SHANK2: variants seen among roughly 807,000 people sequenced by gnomAD.
The protein encoded by SHANK2 is SH3 and multiple ankyrin repeat domains 2.
SHANK2 carries 43 observed loss-of-function variants against 133.7 expected under a neutral mutation model. That is an observed-to-expected ratio of 0.32 (90% confidence interval 0.25 to 0.41). SHANK2 has a LOEUF of 0.41. Among genes scored for constraint, SHANK2 ranks in the 10% least tolerant of loss-of-function variants. The pLI is 1.00. For synonymous variants in SHANK2, 1,017 were observed against 952.8 expected (o/e 1.07, Z -1.24); for missense variants, 1,994 against 2,235.8 (o/e 0.89, Z 2.18).
chr11:70,544,464 T>C (rs1317486994), intron 17 of SHANK2, among the ~76,000 whole-genome samples: 2 of 152,218 alleles, frequency 1.3e-5, no homozygotes, highest in South Asian at 2.1e-4. Flanking sequence ...CCGGAGCAGC[T>C]GCCCGTGGGA....
intron 11 of SHANK2, among the ~76,000 whole-genome samples, chr11:70,892,769 G>C (rs782651371): frequency 2.6e-5 from 4 of 152,112 alleles, no homozygotes; most frequent in African/African-American, 4.8e-5. Context: ...TCCCTGATGG[G>C]GGTCTTGGTA....
chr11:70,799,496 T>C (rs1555050033), intron 13 of SHANK2, among the ~76,000 whole-genome samples: 1 of 152,166 alleles, frequency 6.6e-6, no homozygotes, highest in Non-Finnish European at 1.5e-5. Flanking sequence ...TTATCTTCAC[T>C]TAAAATGGAA....
At chr11:71,145,434 G>C (rs1952625603) in intron 3 of SHANK2, among the ~76,000 whole-genome samples, 1 of 152,248 alleles carries the variant, frequency 6.6e-6, no homozygotes, top group Non-Finnish European at 1.5e-5. Context: ...GTTTGTCCTA[G>C]ACGGTGAAGC....
At chr11:71,172,286 C>A (rs1292497300) in intron 2 of SHANK2, among the ~76,000 whole-genome samples, 5 of 152,154 alleles carry the variant, frequency 3.3e-5, no homozygotes, top group Non-Finnish European at 5.9e-5. Context: ...CCACGGTGGG[C>A]CACATGCTTT....
intron 17 of SHANK2, among the ~76,000 whole-genome samples, chr11:70,620,091 T>C (rs910623963): frequency 6.6e-6 from 1 of 151,950 alleles, no homozygotes; most frequent in East Asian, 1.9e-4. Flanking sequence ...CCATCATGAG[T>C]CCCCACCCTC....
At chr11:70,651,244 T>C (rs2134212179) in intron 17 of SHANK2, among the ~76,000 whole-genome samples, 1 of 152,320 alleles carries the variant, frequency 6.6e-6, no homozygotes, top group South Asian at 2.1e-4. Flanking sequence ...TTTTATAGCC[T>C]GAAATTGAAA....
At chr11:70,950,183 C>T (rs113766697) in intron 10 of SHANK2, 21 of 454,548 alleles carry the variant, frequency 4.6e-5, no homozygotes, top group Admixed American at 3.1e-4. Context: ...CTCAGCCTCC[C>T]GAGTAGCTGG....
intron 21 of SHANK2, chr11:70,497,125 G>A (rs2058982351): frequency 2.3e-6 from 1 of 434,862 alleles, no homozygotes; most frequent in African/African-American, 2.0e-5. Flanking sequence ...AAATGAAAAA[G>A]GAAAACCCTG....
chr11:70,586,947 G>A (rs1439342517), intron 17 of SHANK2, among the ~76,000 whole-genome samples: 3 of 152,110 alleles, frequency 2.0e-5, no homozygotes, highest in Admixed American at 6.5e-5. Flanking sequence ...CTCTCCCAGA[G>A]ACGACCTCAA....
intron 17 of SHANK2, among the ~76,000 whole-genome samples, chr11:70,532,312 G>A (rs1554973378): frequency 6.6e-6 from 1 of 152,106 alleles, no homozygotes; most frequent in Non-Finnish European, 1.5e-5. Flanking sequence ...CTCCACAAGG[G>A]GGTCTGCTGG....
intron 17 of SHANK2, among the ~76,000 whole-genome samples, chr11:70,629,709 G>A (rs1203976241): frequency 1.3e-5 from 2 of 152,156 alleles, no homozygotes; most frequent in Non-Finnish European, 2.9e-5. Flanking sequence ...CCAGAGGCAC[G>A]GGACACCAGG....
chr11:71,181,426 C>T (rs1370368877), intron 2 of SHANK2, among the ~76,000 whole-genome samples: 5 of 151,866 alleles, frequency 3.3e-5, no homozygotes, highest in Admixed American at 3.3e-4. Context: ...TCGCCGGAGC[C>T]CAGGAGTTCA....
At chr11:70,940,608 C>T (rs1334251533) in intron 10 of SHANK2, among the ~76,000 whole-genome samples, 1 of 152,050 alleles carries the variant, frequency 6.6e-6, no homozygotes, top group Non-Finnish European at 1.5e-5. Flanking sequence ...CAGTGCCCCT[C>T]CTCCTCTGAT....
chr11:71,143,583 A>G (rs535455199), intron 3 of SHANK2, among the ~76,000 whole-genome samples: 1 of 152,266 alleles, frequency 6.6e-6, no homozygotes, highest in East Asian at 1.9e-4. Flanking sequence ...TTGCCATTTA[A>G]GAGGGGTCCC....
chr11:71,068,550 T>A (rs1951099175), intron 9 of SHANK2, among the ~76,000 whole-genome samples: 1 of 152,212 alleles, frequency 6.6e-6, no homozygotes, highest in African/African-American at 2.4e-5. Flanking sequence ...CACCATTAGA[T>A]GCCATAGTGA....
intron 2 of SHANK2, among the ~76,000 whole-genome samples, chr11:71,180,844 AG>A (rs1340643262): frequency 1.3e-5 from 2 of 152,054 alleles, no homozygotes; most frequent in African/African-American, 4.8e-5. Context: ...GCAAAAATTC[AG>A]GGGCAAGGTC....
chr11:70,828,006 C>T (rs910065381), intron 11 of SHANK2, among the ~76,000 whole-genome samples: 17 of 152,218 alleles, frequency 1.1e-4, no homozygotes, highest in East Asian at 3.9e-4. Context: ...TGGCCGGGTG[C>T]GGTGGCTCAC....
intron 11 of SHANK2, among the ~76,000 whole-genome samples, chr11:70,880,694 G>A (rs1343372154): frequency 6.6e-6 from 1 of 152,210 alleles, no homozygotes; most frequent in African/African-American, 2.4e-5. Context: ...TGGGGAACAC[G>A]ATGTCTGCTC....
In SHANK2 at chr11:71,092,573, C is replaced by T; in HGVS notation, c.761G>A (p.Gly254Asp). ...QVALKTLLEL[G>D]ASPDYKDSYG... ...ACTGTCTTTATAATCTGGGGATGCACCAAGCTCTAAAAGGGTCTAGGAAAA... is the reference window on the plus strand; with the variant it reads ...ACTGTCTTTATAATCTGGGGATGCATCAAGCTCTAAAAGGGTCTAGGAAAA... The change falls in exon 8 of 26, where the codon GGT (glycine) becomes GAT (aspartate). Residue 254 changes from glycine (G) to aspartate (D), a missense_variant. Physicochemically the swap from Gly to Asp is moderately conservative, Grantham distance 94. Coordinates refer to ENST00000601538, the MANE Select transcript of SHANK2 (RefSeq NM_012309.5). 1 of 1,551,918 alleles carries T rather than the reference C, an allele frequency of 6.4e-7. No homozygotes were observed. Among genetic ancestry groups the T allele is most frequent in the Non-Finnish European group, 8.7e-7 (1 of 1,147,060 alleles).
Sources: gnomAD v4.1 joint callset for allele counts (sites outside exome capture counted in the v4.1 genomes callset) on GRCh38, gnomAD v4.1.1 for gene constraint, MANE v1.5 for transcripts, NCBI Gene and HGNC (gene_info 2026-07-23, HGNC 2026-07-21) for gene names.